Variants in OTC observed in about 807,000 individuals in gnomAD.
The protein encoded by OTC is ornithine transcarbamylase, mitochondrial.
A neutral mutation model predicts 30.3 loss-of-function variants in OTC; 3 were observed. The observed-to-expected ratio is 0.10, with a 90% confidence interval of 0.05 to 0.26. The LOEUF (loss-of-function observed/expected upper bound fraction) is 0.26, where lower values mean the gene tolerates loss of function less well. Ranked by LOEUF, OTC falls within the 10% of genes least tolerant of loss-of-function variation. The pLI is 1.00. For synonymous variants in OTC, 111 were observed against 99.7 expected (o/e 1.11, Z -0.67); for missense variants, 194 against 260.3 (o/e 0.75, Z 1.75).
At chrX:38,361,177 C>T (rs747794441) in intron 1 of OTC, among the ~76,000 whole-genome samples, 3 of 111,491 alleles carry the variant, frequency 2.7e-5, no homozygotes, top group Non-Finnish European at 5.7e-5. Context: ...TGGTGGCAGA[C>T]GCTTGTAATC....
At position 38,393,995 on chromosome X, in the gene OTC, C is replaced by T. The variant is rs771994093; in HGVS notation, c.387-7280C>T. ...TCTAACCTCCTGCCTCTCTCTTATT[C>T]TCTAGTGTTATATTGGGCCCACCCA... On this transcript the variant is annotated intron_variant, in intron 4 of 9. Transcript: ENST00000039007. Among the ~76,000 whole-genome samples, 3 of 111,702 alleles carry T rather than the reference C, an allele frequency of 2.7e-5. No homozygotes were observed. The South Asian group carries it at 1.1e-3, about 43-fold the overall frequency.
the OTC span, among the ~76,000 whole-genome samples, chrX:38,344,986 C>G: frequency 5.4e-5 from 6 of 110,577 alleles, no homozygotes; most frequent in African/African-American, 2.0e-4. Context: ...GGCTGGAGGA[C>G]TGTTCAAGAC....
chrX:38,414,411 A>G (rs914164813), intron 9 of OTC, among the ~76,000 whole-genome samples: 1 of 111,828 alleles, frequency 8.9e-6, no homozygotes, highest in Non-Finnish European at 1.9e-5. Flanking sequence ...CCATCTCCCC[A>G]TTCCCCATAC....
At chrX:38,345,496 G>T in the OTC span, among the ~76,000 whole-genome samples, 1 of 110,090 alleles carries the variant, frequency 9.1e-6, no homozygotes, top group South Asian at 3.9e-4. Flanking sequence ...GAGCAGTTTA[G>T]GGAGGGTCAG....
chrX:38,332,504 T>TTATACATATATATATATATA, the OTC span, among the ~76,000 whole-genome samples: 1 of 39,381 alleles, frequency 2.5e-5, no homozygotes, highest in Admixed American at 3.6e-4. Flanking sequence ...GCCCTAGATT[T>TTATACATATATATATATATA]TATATATATA....
At chrX:38,368,084 A>G (rs1346556888) in intron 2 of OTC, among the ~76,000 whole-genome samples, 1 of 103,573 alleles carries the variant, frequency 9.7e-6, no homozygotes, top group East Asian at 3.1e-4. Context: ...AATGAAGGCC[A>G]GGCGCAGTGG....
chrX:38,375,484 G>A (rs773148179), intron 3 of OTC, among the ~76,000 whole-genome samples: 1 of 111,576 alleles, frequency 9.0e-6, no homozygotes, highest in Non-Finnish European at 1.9e-5. Context: ...ATAGAAGCTG[G>A]GGTTGTGGTG....
upstream of OTC, among the ~76,000 whole-genome samples, chrX:38,348,699 G>A (rs1350031598): frequency 9.1e-6 from 1 of 109,408 alleles, no homozygotes; most frequent in Non-Finnish European, 1.9e-5. Context: ...ACCACACCCA[G>A]CTAATTTTTT....
At chrX:38,376,775 G>A (rs1239763997) in intron 3 of OTC, among the ~76,000 whole-genome samples, 3 of 112,331 alleles carry the variant, frequency 2.7e-5, no homozygotes, top group Non-Finnish European at 5.6e-5. Flanking sequence ...GGCCAATTCA[G>A]CAAGAGAATA....
intron 1 of OTC, among the ~76,000 whole-genome samples, chrX:38,355,802 C>T (rs190549529): frequency 2.7e-5 from 3 of 111,989 alleles, no homozygotes; most frequent in African/African-American, 6.5e-5. Flanking sequence ...TTTGGGAGGC[C>T]GAGGTGGGTG....
intron 9 of OTC, among the ~76,000 whole-genome samples, chrX:38,418,098 C>T (rs1478715433): frequency 9.0e-6 from 1 of 111,295 alleles, no homozygotes; most frequent in Non-Finnish European, 1.9e-5. Flanking sequence ...ATTTAGATTC[C>T]CACCAACAAT....
At chrX:38,383,754 C>T (rs186374802) in intron 4 of OTC, among the ~76,000 whole-genome samples, 6 of 107,903 alleles carry the variant, frequency 5.6e-5, no homozygotes, top group African/African-American at 1.4e-4. Context: ...GCCGAGATAG[C>T]GCCATTGCAC....
At chrX:38,353,862 C>A (rs979681517) in intron 1 of OTC, among the ~76,000 whole-genome samples, 49 of 111,640 alleles carry the variant, frequency 4.4e-4, no homozygotes, top group African/African-American at 1.5e-3. Flanking sequence ...CTCAAATATT[C>A]AATTGAAATT....
intron 4 of OTC, among the ~76,000 whole-genome samples, chrX:38,382,229 C>T (rs769153872): frequency 1.5e-4 from 17 of 111,869 alleles, no homozygotes; most frequent in Non-Finnish European, 2.4e-4. Flanking sequence ...AAGGGAGAGA[C>T]GGGGAAAGGC....
upstream of OTC, among the ~76,000 whole-genome samples, chrX:38,347,857 A>T (rs933193882): frequency 1.8e-5 from 2 of 111,790 alleles, no homozygotes; most frequent in African/African-American, 6.5e-5. Flanking sequence ...TGATCTTCAA[A>T]CATCATTCTC....
At chrX:38,367,708 CATTT>C (rs200633699) in intron 2 of OTC, among the ~76,000 whole-genome samples, 1 of 108,744 alleles carries the variant, frequency 9.2e-6, no homozygotes, top group African/African-American at 3.3e-5. Context: ...GTCTGAAAAG[CATTT>C]ATTTATTTAT....
chrX:38,373,382 C>T (rs979519460), intron 3 of OTC, among the ~76,000 whole-genome samples: 1 of 112,611 alleles, frequency 8.9e-6, no homozygotes, highest in Non-Finnish European at 1.9e-5. Context: ...GTAGATCATT[C>T]ATGCCTCATC....
chrX:38,393,653 C>T (rs1337059985), intron 4 of OTC, among the ~76,000 whole-genome samples: 1 of 112,359 alleles, frequency 8.9e-6, no homozygotes, highest in Non-Finnish European at 1.9e-5. Flanking sequence ...GACTTAAACT[C>T]AAGTTGCTGG....
At chrX:38,368,063 A>G (rs758280604) in intron 2 of OTC, among the ~76,000 whole-genome samples, 5 of 110,681 alleles carry the variant, frequency 4.5e-5, no homozygotes, top group African/African-American at 1.3e-4. Flanking sequence ...TGTATTTTCT[A>G]TCAAGTCAAA....
Sources: allele counts gnomAD v4.1 joint callset (sites outside exome capture counted in the v4.1 genomes callset), GRCh38; gene constraint gnomAD v4.1.1; transcripts MANE v1.5; gene names NCBI Gene and HGNC (gene_info 2026-07-23, HGNC 2026-07-21).